YME1L1: variants seen among roughly 807,000 people sequenced by gnomAD.
YME1L1 encodes the protein ATP-dependent zinc metalloprotease YME1L1.
Under a neutral mutation model 90.4 loss-of-function variants are expected in YME1L1, and 39 were observed. The ratio of observed to expected loss-of-function variants is 0.43; its 90% confidence interval spans 0.33 to 0.56. YME1L1 has a LOEUF of 0.56. Among genes scored for constraint, YME1L1 ranks in the 20% least tolerant of loss-of-function variants. The pLI is 0.03. For synonymous variants in YME1L1, 284 were observed against 287.3 expected (o/e 0.99, Z 0.12); for missense variants, 617 against 868.4 (o/e 0.71, Z 3.64).
rs41282208 is a variant in YME1L1, at chr10:27,142,359, T to C, written c.430+28A>G. The stretch of plus-strand genomic sequence containing the variant: ...ACTATAGTAAATAAATATTTTTTTT[T>C]CCACAATTTATGGTTGTTGCTTCAT... On this transcript the variant is annotated intron_variant, in intron 4 of 18. Coordinates refer to ENST00000376016, the MANE Select transcript of YME1L1 (RefSeq NM_014263.4). The C allele has an allele frequency of 0.046, 58,933 of 1,268,114 alleles. 1,554 individuals carry two copies. Among genetic ancestry groups the C allele is most frequent in the African/African-American group, 0.093 (5,989 of 64,492 alleles). The allele number at this position is 1,268,114 out of a possible 1,614,324, so 78.6% of individuals were successfully genotyped here. A position where few individuals can be genotyped will look rare whatever the true frequency, so the allele number is the denominator to read the frequency against.
chr10:27,137,844 T>C (rs946180924), intron 4 of YME1L1, among the ~76,000 whole-genome samples: 5 of 152,154 alleles, frequency 3.3e-5, no homozygotes, highest in African/African-American at 1.2e-4. Flanking sequence ...TAGTTATATA[T>C]ATTGTAAACA....
At chr10:27,132,716 G>C (rs2056989523) in intron 7 of YME1L1, among the ~76,000 whole-genome samples, 1 of 151,948 alleles carries the variant, frequency 6.6e-6, no homozygotes, top group South Asian at 2.1e-4. Flanking sequence ...CTACTCGGGA[G>C]GCTGAGGCAG....
At chr10:27,143,989 G>A (rs1291104853) in intron 3 of YME1L1, among the ~76,000 whole-genome samples, 1 of 152,120 alleles carries the variant, frequency 6.6e-6, no homozygotes, top group Non-Finnish European at 1.5e-5. Context: ...AAGATCATCA[G>A]CAGCAACAGC....
At chr10:27,118,936 T>A (rs1255412102) in intron 14 of YME1L1, among the ~76,000 whole-genome samples, 1 of 152,182 alleles carries the variant, frequency 6.6e-6, no homozygotes, top group Non-Finnish European at 1.5e-5. Context: ...AATTGTGGTG[T>A]TGTCAAGTAT....
intron 8 of YME1L1, 21 bp downstream of exon 8, chr10:27,131,838 A>C: frequency 6.3e-7 from 1 of 1,581,036 alleles, no homozygotes; most frequent in Non-Finnish European, 8.6e-7. Context: ...TGAAGAAGGC[A>C]AGGCAATCTT....
At chr10:27,128,888 GAT>G (rs920089817) in intron 8 of YME1L1, among the ~76,000 whole-genome samples, 5 of 151,874 alleles carry the variant, frequency 3.3e-5, no homozygotes, top group Non-Finnish European at 5.9e-5. Context: ...CAGTCTGGGT[GAT>G]AGAGCCAGAC....
At chr10:27,127,070 T>G (rs2056927775) in intron 8 of YME1L1, among the ~76,000 whole-genome samples, 1 of 152,182 alleles carries the variant, frequency 6.6e-6, no homozygotes, top group Non-Finnish European at 1.5e-5. Flanking sequence ...TTGGACAGGG[T>G]TAAAAAGAAA....
chr10:27,129,557 C>T lies in YME1L1; in HGVS notation c.858+2302G>A, dbSNP rs147327054. On this transcript the variant is annotated intron_variant, in intron 8 of 18. Coordinates refer to ENST00000376016, the MANE Select transcript of YME1L1 (RefSeq NM_014263.4). ...TCCTCAGATCACGTACTTCAAATCC[C>T]TCCTGCGGAAGAATTTCTTCTAAAA... Among the ~76,000 whole-genome samples the T allele has an allele frequency of 2.2e-3, 332 of 152,250 alleles. 4 individuals carry two copies. Among genetic ancestry groups the T allele is most frequent in the African/African-American group, 7.7e-3 (321 of 41,544 alleles).
chr10:27,134,951 C>G lies in YME1L1; in HGVS notation c.571G>C (p.Val191Leu). ...TTCATGAGTTTGTCCAAACTCTCAACATCTGATCCTCTGTCCCGCAAAAGA... is the reference window on the plus strand; with the variant it reads ...TTCATGAGTTTGTCCAAACTCTCAAGATCTGATCCTCTGTCCCGCAAAAGA... ...GFLLRDRGSD[V>L]ESLDKLMKTK... is the part of the protein sequence containing the mutation. Residue 191 changes from valine (V) to leucine (L), a missense_variant, in exon 6 of 19, where the codon GTT (valine) becomes CTT (leucine). Val to Leu is a conservative substitution (Grantham distance 32, BLOSUM62 1). This residue lies in a region of YME1L1 where 311 missense variants were observed against 335.8 expected (regional missense o/e 0.93). Transcript: ENST00000376016. 1.9e-6 allele frequency: 3 copies of G among 1,613,016 alleles called. No homozygotes were observed. The highest frequency in any genetic ancestry group is 1.7e-6 in the Non-Finnish European group (2 of 1,179,992).
intron 7 of YME1L1, among the ~76,000 whole-genome samples, chr10:27,133,288 A>G (rs1240259368): frequency 6.6e-6 from 1 of 152,218 alleles, no homozygotes; most frequent in Non-Finnish European, 1.5e-5. Flanking sequence ...TTTGAGATCA[A>G]TTTTGGAGAA....
At chr10:27,145,649 G>A in intron 2 of YME1L1, 59 bp from the exon 3 acceptor site, 2 of 1,375,356 alleles carry the variant, frequency 1.5e-6, no homozygotes, top group African/African-American at 1.4e-5. Flanking sequence ...TTAACCTAAG[G>A]AGTACATATT....
At chr10:27,152,948 C>T (rs968057921) in intron 1 of YME1L1, among the ~76,000 whole-genome samples, 3 of 152,190 alleles carry the variant, frequency 2.0e-5, no homozygotes, top group Admixed American at 6.5e-5. Context: ...TCCCAATACA[C>T]TTAAAATGAA....
intron 9 of YME1L1, among the ~76,000 whole-genome samples, chr10:27,124,421 G>T (rs535386733): frequency 2.0e-5 from 3 of 152,070 alleles, no homozygotes; most frequent in Admixed American, 6.5e-5. Flanking sequence ...AGATTTTCAC[G>T]TTAGAAAAAC....
chr10:27,145,666 T>C, intron 2 of YME1L1, 76 bp from the exon 3 acceptor site: 1 of 1,200,192 alleles, frequency 8.3e-7, no homozygotes, highest in South Asian at 2.0e-5. Context: ...TATTATCAGT[T>C]AAAACAATCA....
intron 9 of YME1L1, among the ~76,000 whole-genome samples, chr10:27,126,425 T>C (rs2056920322): frequency 6.6e-6 from 1 of 152,024 alleles, no homozygotes; most frequent in Non-Finnish European, 1.5e-5. Flanking sequence ...GGAAACTAAA[T>C]ATTAAAAATT....
At position 27,110,414 on chromosome 10, in the gene YME1L1, ATATC is replaced by A. The variant is rs2056748030; in HGVS notation, c.*1559_*1562del. ...ATAATGTAACAAGCTTCCTGTAACA[ATATC>A]TATCTTTTTTCAATGAAGACCATAT... On this transcript the variant is annotated 3_prime_UTR_variant, in exon 19 of 19. Coordinates refer to ENST00000376016, the MANE Select transcript of YME1L1 (RefSeq NM_014263.4). 6.6e-6 allele frequency: 1 copy of A among 152,228 alleles called. No homozygotes were observed. The highest frequency in any genetic ancestry group is 1.5e-5 in the Non-Finnish European group (1 of 68,040). 9.4% of individuals were successfully genotyped at this position (152,228 alleles called of 1,614,324 possible). A position where few individuals can be genotyped will look rare whatever the true frequency, so the allele number is the denominator to read the frequency against.
At chr10:27,120,612 G>C in intron 12 of YME1L1, 65 bp from the exon 13 acceptor site, 2 of 1,343,392 alleles carry the variant, frequency 1.5e-6, no homozygotes, top group South Asian at 1.3e-5. Flanking sequence ...CAACAGGACT[G>C]ACACCCTAAT....
In YME1L1 at chr10:27,136,168, AAAG is replaced by A. The variant is rs961455959; in HGVS notation, c.540+105_540+107del. On this transcript the variant is annotated intron_variant, in intron 5 of 18. Transcript: ENST00000376016. ...GTTACTAATCCCTTATTATTAGTGG[AAAG>A]AAGGAAGAATATCTATCAGCCAACA... The A allele has an allele frequency of 6.1e-5, 54 of 888,700 alleles. No individual in the cohort carries two copies. In the Admixed American group the frequency reaches 1.3e-3, roughly 21 times the overall value. 55.1% of individuals were successfully genotyped at this position (888,700 alleles called of 1,614,324 possible).
At chr10:27,129,636 T>C (rs985999342) in intron 8 of YME1L1, among the ~76,000 whole-genome samples, 1 of 151,936 alleles carries the variant, frequency 6.6e-6, no homozygotes, top group Non-Finnish European at 1.5e-5. Flanking sequence ...TCAAATGTAA[T>C]AGAGCAGATA....
Sources: gnomAD v4.1 joint callset for allele counts (sites outside exome capture counted in the v4.1 genomes callset) on GRCh38, gnomAD v4.1.1 for gene constraint, gnomAD v4.1.1 regional missense constraint, MANE v1.5 for transcripts, NCBI Gene and HGNC (gene_info 2026-07-23, HGNC 2026-07-21) for gene names.